PLEKHM3: variants seen among roughly 807,000 people sequenced by gnomAD.
PLEKHM3 encodes pleckstrin homology domain containing M3, also known as pleckstrin homology domain-containing family M member 3.
Under a neutral mutation model 81.8 loss-of-function variants are expected in PLEKHM3, and 45 were observed. The ratio of observed to expected loss-of-function variants is 0.55; its 90% CI spans 0.43 to 0.71. The LOEUF (loss-of-function observed/expected upper bound fraction) is 0.71, where lower values mean the gene tolerates loss of function less well. Among genes scored for constraint, PLEKHM3 ranks in the 30% least tolerant of loss-of-function variants. The probability of loss-of-function intolerance (pLI) is 0.00; values close to 1 mark genes in which losing one functional copy is unlikely to be tolerated. For synonymous variants in PLEKHM3, 352 were observed against 356.4 expected (o/e 0.99, Z 0.14); for missense variants, 788 against 924.3 (o/e 0.85, Z 1.91).
chr2:208,014,521 G>A (rs1200328442), intron 1 of PLEKHM3, among the ~76,000 whole-genome samples: 1 of 152,214 alleles, frequency 6.6e-6, no homozygotes, highest in Non-Finnish European at 1.5e-5. Flanking sequence ...GCAGGCGCCT[G>A]TAATCCTAGC....
intron 2 of PLEKHM3, among the ~76,000 whole-genome samples, chr2:207,985,342 G>A (rs1419887440): frequency 6.6e-6 from 1 of 151,702 alleles, no homozygotes; most frequent in Non-Finnish European, 1.5e-5. Context: ...GTCCTCCTCT[G>A]AACCCTCATG....
rs982732410 is a variant in PLEKHM3, at chr2:207,843,173, C to T, written c.2109-14677G>A. Among the ~76,000 whole-genome samples, 2 of 152,134 alleles carry T rather than the reference C, an allele frequency of 1.3e-5. No homozygotes were observed. The highest frequency in any genetic ancestry group is 3.9e-4 in the East Asian group (2 of 5,188). ...CCATGTTGCCCAGGCTGGTCTCAAA[C>T]TCCTAGGCTCAAGTGATCTGCCTGT... On this transcript the variant is annotated intron_variant, in intron 7 of 7. Transcript: ENST00000427836. The surrounding 1 kb of genome is among the most constrained non-coding windows in gnomAD (Gnocchi z 4.4).
intron 6 of PLEKHM3, among the ~76,000 whole-genome samples, chr2:207,901,950 G>A (rs753623413): frequency 3.3e-5 from 5 of 152,194 alleles, no homozygotes; most frequent in Non-Finnish European, 7.3e-5. Context: ...AACAACACAG[G>A]CGAGCTGTCA....
chr2:207,846,993 C>A (rs1400791176), intron 7 of PLEKHM3, among the ~76,000 whole-genome samples: 1 of 152,048 alleles, frequency 6.6e-6, no homozygotes, highest in African/African-American at 2.4e-5. Flanking sequence ...ATGAGTTAAA[C>A]GATGAACAAT....
chr2:207,982,243 C>T (rs113105604), intron 2 of PLEKHM3, among the ~76,000 whole-genome samples: 6,086 of 119,114 alleles, frequency 0.051, 532 homozygotes, highest in African/African-American at 0.18. Context: ...CTCCCCCCCT[C>T]GCTCCCCCCC....
chr2:207,821,951 A>G lies in PLEKHM3; in HGVS notation c.*6368T>C, dbSNP rs907855985. On this transcript the variant is annotated 3_prime_UTR_variant, in exon 8 of 8. Transcript: ENST00000427836. ...AACAGATTTAAAATATATATCTTCTAGGGTAGGCTAGTAGCTATTCACAGT... is the reference window on the plus strand; with the variant it reads ...AACAGATTTAAAATATATATCTTCTGGGGTAGGCTAGTAGCTATTCACAGT... The G allele has an allele frequency of 1.3e-5, 2 of 152,142 alleles. No homozygotes were observed. Among genetic ancestry groups the G allele is most frequent in the Non-Finnish European group, 2.9e-5 (2 of 68,040 alleles). The allele number at this position is 152,142 out of a possible 1,614,324, so 9.4% of individuals were successfully genotyped here.
chr2:207,976,632 C>T lies in PLEKHM3; in HGVS notation c.1546+19G>A, dbSNP rs1393770771. 1.2e-6 allele frequency: 2 copies of T among 1,600,932 alleles called. No homozygotes were observed. The highest frequency in any genetic ancestry group is 2.3e-5 in the South Asian group (2 of 88,526). On this transcript the variant is annotated intron_variant, in intron 3 of 7. Transcript: ENST00000427836. The surrounding 1 kb of genome is among the most constrained non-coding windows in gnomAD (Gnocchi z 4.1). Reference sequence around the variant, plus strand: ...GGATTGTTCTTTAATGAGCTATAGGCTGAAAATCTGCTTCATACCTGCACA... The same window carrying T: ...GGATTGTTCTTTAATGAGCTATAGGTTGAAAATCTGCTTCATACCTGCACA...
At chr2:207,953,652 A>C (rs927457106) in intron 3 of PLEKHM3, among the ~76,000 whole-genome samples, 5 of 152,040 alleles carry the variant, frequency 3.3e-5, no homozygotes, top group African/African-American at 2.4e-5. Context: ...CCTACTAAAA[A>C]CACAAAAATT....
intron 7 of PLEKHM3, among the ~76,000 whole-genome samples, chr2:207,837,548 T>C (rs111630817): frequency 0.66 from 98,872 of 150,786 alleles, 32,824 homozygotes; most frequent in African/African-American, 0.74. Flanking sequence ...GGCAGTGAGC[T>C]GAGATCGCAC....
chr2:208,019,153 A>T (rs950578191), intron 1 of PLEKHM3, among the ~76,000 whole-genome samples: 1 of 152,024 alleles, frequency 6.6e-6, no homozygotes, highest in Non-Finnish European at 1.5e-5. Flanking sequence ...AAAAAAATTT[A>T]AAGTTAACCA....
intron 6 of PLEKHM3, among the ~76,000 whole-genome samples, chr2:207,884,644 T>C (rs1488482864): frequency 6.6e-6 from 1 of 152,214 alleles, no homozygotes; most frequent in African/African-American, 2.4e-5. Flanking sequence ...TATCAAAGCA[T>C]GTAATACATT....
chr2:208,002,664 C>T (rs1692350406), intron 1 of PLEKHM3, among the ~76,000 whole-genome samples: 1 of 152,102 alleles, frequency 6.6e-6, no homozygotes, highest in Non-Finnish European at 1.5e-5. Flanking sequence ...GTCTACAGAA[C>T]TCAAGTTCCA....
At chr2:208,004,724 A>C (rs1379173443) in intron 1 of PLEKHM3, among the ~76,000 whole-genome samples, 2 of 152,106 alleles carry the variant, frequency 1.3e-5, no homozygotes, top group Non-Finnish European at 2.9e-5. Flanking sequence ...ACCCTCCCTG[A>C]CCACCCTCTT....
intron 6 of PLEKHM3, among the ~76,000 whole-genome samples, chr2:207,890,270 A>G (rs1688020403): frequency 1.3e-5 from 2 of 152,184 alleles, no homozygotes; most frequent in Non-Finnish European, 2.9e-5. Context: ...AAATCTTCAA[A>G]TTATGGGAAG....
chr2:207,830,573 C>A (rs2092280724), intron 7 of PLEKHM3, among the ~76,000 whole-genome samples: 1 of 148,950 alleles, frequency 6.7e-6, no homozygotes. Flanking sequence ...CACCACTGCA[C>A]TCTAGCCTGG....
intron 7 of PLEKHM3, among the ~76,000 whole-genome samples, chr2:207,831,662 G>C (rs1398222065): frequency 6.6e-6 from 1 of 152,178 alleles, no homozygotes; most frequent in Admixed American, 6.5e-5. Context: ...GGTGACTCTA[G>C]TACCCGTCTC....
At position 207,843,064 on chromosome 2, in the gene PLEKHM3, C is replaced by T. The variant is rs2092363365; in HGVS notation, c.2109-14568G>A. On this transcript the variant is annotated intron_variant, in intron 7 of 7. Coordinates refer to ENST00000427836, the MANE Select transcript of PLEKHM3 (RefSeq NM_001080475.3). This position sits in a 1 kb window ranked among gnomAD's most constrained non-coding sequence, Gnocchi z 4.4. ...TAGGCTCAAGCGATCTTCCCTCCCA[C>T]CACAGCTACCAGTGTAGCTAAAGCT... 6.6e-6 allele frequency among the ~76,000 whole-genome samples: 1 copy of T among 152,188 alleles called. No individual in the cohort carries two copies. Among genetic ancestry groups the T allele is most frequent in the Non-Finnish European group, 1.5e-5 (1 of 68,038 alleles).
chr2:207,878,502 G>T (rs1450790169), intron 6 of PLEKHM3, among the ~76,000 whole-genome samples: 1 of 152,232 alleles, frequency 6.6e-6, no homozygotes, highest in African/African-American at 2.4e-5. Context: ...CAGCTACTGG[G>T]GAGGCTGAGG....
At chr2:208,019,741 C>G (rs76003772) in intron 1 of PLEKHM3, 2 of 152,330 alleles carry the variant, frequency 1.3e-5, no homozygotes, top group South Asian at 2.1e-4. Context: ...AAAGTGAGCA[C>G]GCAAGTTATT....
Sources: gnomAD v4.1 joint callset for allele counts (sites outside exome capture counted in the v4.1 genomes callset) on GRCh38, gnomAD v4.1.1 for gene constraint, Gnocchi (gnomAD v3.1) non-coding constraint, MANE v1.5 for transcripts, NCBI Gene and HGNC (gene_info 2026-07-23, HGNC 2026-07-21) for gene names.